Variants in CTNNA2 observed in about 807,000 individuals in gnomAD.
CTNNA2 encodes catenin alpha 2.
A neutral mutation model predicts 101.0 loss-of-function variants in CTNNA2; 42 were observed. The ratio of observed to expected loss-of-function variants is 0.42; its 90% CI spans 0.32 to 0.54. The LOEUF (loss-of-function observed/expected upper bound fraction) is 0.54, where lower values mean the gene tolerates loss of function less well. Ranked by LOEUF, CTNNA2 falls within the 20% of genes least tolerant of loss-of-function variation. The pLI is 0.14. For synonymous variants in CTNNA2, 450 were observed against 456.4 expected (o/e 0.99, Z 0.18); for missense variants, 871 against 1,223.1 (o/e 0.71, Z 4.29).
chr2:79,559,109 A>G (rs983757526), intron 1 of CTNNA2, among the ~76,000 whole-genome samples: 1 of 151,952 alleles, frequency 6.6e-6, no homozygotes, highest in Non-Finnish European at 1.5e-5. Context: ...GTTGAACTTT[A>G]TAGATAGTGG....
intron 7 of CTNNA2, among the ~76,000 whole-genome samples, chr2:80,347,404 T>A (rs2149290240): frequency 6.8e-6 from 1 of 146,604 alleles, no homozygotes; most frequent in Non-Finnish European, 1.5e-5. Flanking sequence ...GAAGAAAACT[T>A]GCTTTGGACT....
chr2:80,401,764 A>G (rs758332501), intron 8 of CTNNA2, among the ~76,000 whole-genome samples: 2 of 151,812 alleles, frequency 1.3e-5, no homozygotes, highest in South Asian at 2.1e-4. Flanking sequence ...TTTCAGGGGC[A>G]GAAAATCCAT....
chr2:80,606,760 G>A (rs1297212658), intron 16 of CTNNA2, among the ~76,000 whole-genome samples: 1 of 151,864 alleles, frequency 6.6e-6, no homozygotes, highest in Non-Finnish European at 1.5e-5. Flanking sequence ...ATAAAGATTT[G>A]AGATATGCAT....
chr2:80,591,113 T>TA (rs2149740445), intron 15 of CTNNA2, among the ~76,000 whole-genome samples: 1 of 152,340 alleles, frequency 6.6e-6, no homozygotes, highest in East Asian at 1.9e-4. Context: ...CTAGATTATA[T>TA]AACTGTGGTC....
At chr2:79,380,116 C>T (rs111609319) in intron 4 of CTNNA2, among the ~76,000 whole-genome samples, 20 of 152,108 alleles carry the variant, frequency 1.3e-4, no homozygotes, top group Non-Finnish European at 1.6e-4. Flanking sequence ...CCAAACTGGA[C>T]GGAAATTTTC....
chr2:80,604,865 T>C (rs1049366782), intron 16 of CTNNA2, among the ~76,000 whole-genome samples: 12 of 151,914 alleles, frequency 7.9e-5, no homozygotes, highest in African/African-American at 2.7e-4. Context: ...TCAGGGGCAT[T>C]TGGAGATCAA....
rs72920887 is a variant in CTNNA2 at position 79,979,172 on chromosome 2, G to C, written c.1056+69375G>C. ...AGGCTAAGGTGGGAGGATCACATCA[G>C]TCCAGGATTTTGACCAGCCTGGGCA... On this transcript the variant is annotated intron_variant, in intron 7 of 18. Coordinates refer to ENST00000402739, the MANE Select transcript of CTNNA2 (RefSeq NM_001282597.3). 4.2e-3 allele frequency among the ~76,000 whole-genome samples: 632 copies of C among 152,172 alleles called. 3 individuals are homozygous for C. Among genetic ancestry groups the C allele is most frequent in the African/African-American group, 0.014 (584 of 41,514 alleles).
chr2:80,032,084 C>T (rs1236532581), intron 7 of CTNNA2, among the ~76,000 whole-genome samples: 1 of 152,166 alleles, frequency 6.6e-6, no homozygotes, highest in Non-Finnish European at 1.5e-5. Flanking sequence ...TTCCTTGATA[C>T]TCCATGAAGT....
chr2:80,023,082 C>A (rs1421877976), intron 7 of CTNNA2, among the ~76,000 whole-genome samples: 2 of 152,208 alleles, frequency 1.3e-5, no homozygotes, highest in Non-Finnish European at 2.9e-5. Flanking sequence ...GCGTGGGCAT[C>A]TTTGGGCAGA....
intron 7 of CTNNA2, among the ~76,000 whole-genome samples, chr2:80,223,779 T>C (rs1398172623): frequency 6.6e-6 from 1 of 152,186 alleles, no homozygotes; most frequent in Non-Finnish European, 1.5e-5. Context: ...TTTGATCCCA[T>C]TTAAGGCTTT....
At chr2:80,498,298 A>G (rs930678403) in intron 9 of CTNNA2, among the ~76,000 whole-genome samples, 1 of 152,198 alleles carries the variant, frequency 6.6e-6, no homozygotes, top group Non-Finnish European at 1.5e-5. Context: ...AGATGAGCCT[A>G]GCTGAGCTAT....
chr2:79,700,063 G>T (rs1487999914), intron 2 of CTNNA2, among the ~76,000 whole-genome samples: 1 of 151,702 alleles, frequency 6.6e-6, no homozygotes. Flanking sequence ...ATAGTAAGGA[G>T]AATGGTTTTG....
At chr2:79,220,534 G>A (rs1211806212) in intron 2 of CTNNA2, among the ~76,000 whole-genome samples, 2 of 152,034 alleles carry the variant, frequency 1.3e-5, no homozygotes, top group South Asian at 2.1e-4. Context: ...TGCATGTTGT[G>A]GGCAGGTGGC....
At position 79,416,070 on chromosome 2, in the gene CTNNA2, T is replaced by C. The variant is rs548885840; in HGVS notation, c.-135+42057T>C. Among the ~76,000 whole-genome samples, 9 of 152,186 alleles carry C rather than the reference T, an allele frequency of 5.9e-5. No individual in the cohort carries two copies. The East Asian group carries it at 7.7e-4, about 13-fold the overall frequency. ...AAGCTATAGGCAGCTATTAATAAGA[T>C]ACTTGAATCAGCAACTCTCCTAGAT... On this transcript the variant is annotated intron_variant, in intron 4 of 21. Coordinates refer to the CTNNA2 transcript ENST00000466387.
rs115901906 is a variant in CTNNA2 at position 79,790,213 on chromosome 2, A to G, written c.298+45631A>G. On this transcript the variant is annotated intron_variant, in intron 3 of 18. Transcript: ENST00000402739. Reference sequence around the variant, plus strand: ...AAAGATACAAATGAAACGCTGGGGAAGAGGAAAAGAGGAATTTCCGCTAGG... The same window carrying G: ...AAAGATACAAATGAAACGCTGGGGAGGAGGAAAAGAGGAATTTCCGCTAGG... 3.6e-3 allele frequency among the ~76,000 whole-genome samples: 553 copies of G among 152,276 alleles called. 4 individuals are homozygous for G. Among genetic ancestry groups the G allele is most frequent in the African/African-American group, 0.012 (512 of 41,570 alleles).
At chr2:79,237,040 T>C (rs1483607121) in intron 2 of CTNNA2, among the ~76,000 whole-genome samples, 1 of 152,226 alleles carries the variant, frequency 6.6e-6, no homozygotes, top group South Asian at 2.1e-4. Context: ...TATTTTCCAG[T>C]AGACTTTCAA....
intron 1 of CTNNA2, among the ~76,000 whole-genome samples, chr2:79,593,984 G>T (rs1012562839): frequency 1.4e-5 from 2 of 142,726 alleles, no homozygotes; most frequent in Admixed American, 7.3e-5. Context: ...GGCCTCCCAG[G>T]TTCAAGCAAT....
intron 4 of CTNNA2, among the ~76,000 whole-genome samples, chr2:79,865,334 A>C (rs1480366173): frequency 6.6e-6 from 1 of 152,220 alleles, no homozygotes; most frequent in East Asian, 1.9e-4. Flanking sequence ...TCTTACATGC[A>C]TTCATTCTTT....
intron 12 of CTNNA2, among the ~76,000 whole-genome samples, chr2:80,561,770 A>G (rs1177586635): frequency 1.3e-5 from 2 of 150,194 alleles, no homozygotes; most frequent in Admixed American, 6.6e-5. Flanking sequence ...AAGTGATTCT[A>G]TTGCCTCAGC....
Sources: allele counts gnomAD v4.1 joint callset (sites outside exome capture counted in the v4.1 genomes callset), GRCh38; gene constraint gnomAD v4.1.1; transcripts MANE v1.5; gene names NCBI Gene and HGNC (gene_info 2026-07-23, HGNC 2026-07-21).